The following NAA11 variants were observed in gnomAD, a reference collection of about 807,000 sequenced individuals.
NAA11 encodes N-alpha-acetyltransferase 11.
A neutral mutation model predicts 16.1 loss-of-function variants in NAA11; 15 were observed. The observed-to-expected ratio is 0.93, with a 90% CI of 0.62 to 1.44. NAA11 has a LOEUF of 1.44. Among genes scored for constraint, NAA11 ranks in the 40% most tolerant of loss-of-function variants. NAA11 has a pLI of 0.00. For missense variants in NAA11, 298 were observed against 291.3 expected, an observed-to-expected ratio of 1.02 and a Z score of -0.17; for synonymous variants, 122 against 112.4, an observed-to-expected ratio of 1.09 and a Z score of -0.54.
At chr4:79,302,520 C>T (rs1191036226) in intron 1 of NAA11, among the ~76,000 whole-genome samples, 1 of 152,114 alleles carries the variant, frequency 6.6e-6, no homozygotes, top group Non-Finnish European at 1.5e-5. Flanking sequence ...TCCTTCATAA[C>T]AAAGTCTCAT....
intron 1 of NAA11, among the ~76,000 whole-genome samples, chr4:79,319,830 T>C (rs1724039291): frequency 6.6e-6 from 1 of 152,232 alleles, no homozygotes; most frequent in African/African-American, 2.4e-5. Flanking sequence ...TGTCAGTCTG[T>C]AGGTTTCTTC....
At chr4:79,227,502 GA>G (rs1161713321) in intron 2 of NAA11, 2 of 151,958 alleles carry the variant, frequency 1.3e-5, no homozygotes, top group African/African-American at 4.8e-5. Flanking sequence ...AGGAGACTAA[GA>G]GGAGTCATTC....
intron 1 of NAA11, among the ~76,000 whole-genome samples, chr4:79,323,826 A>C (rs1170067193): frequency 6.6e-6 from 1 of 151,178 alleles, no homozygotes; most frequent in Non-Finnish European, 1.5e-5. Flanking sequence ...ATCTCAAAAA[A>C]AGAAAAAAAG....
intron 1 of NAA11, chr4:79,299,093 A>G (rs1482064857): frequency 1.3e-5 from 2 of 152,256 alleles, no homozygotes; most frequent in African/African-American, 4.8e-5. Context: ...ATATACTGTC[A>G]GACTGTCACC....
Position 79,242,084 on chromosome 4 carries a change from C to G in NAA11, c.*123-15814G>C, listed in dbSNP as rs556430636. Among the ~76,000 whole-genome samples the G allele has an allele frequency of 9.9e-5, 15 of 152,280 alleles. 1 individual carries two copies. The South Asian group carries it at 3.1e-3, about 32-fold the overall frequency. ...CTCATGCTTGTTTGCCAGTGACACA[C>G]GTGAGAGGCATCTAGTAGTACTCAT... On this transcript the variant is annotated intron_variant and NMD_transcript_variant, in intron 2 of 2. Coordinates refer to the NAA11 transcript ENST00000511542.
chr4:79,256,297 A>T (rs545769959), intron 2 of NAA11, among the ~76,000 whole-genome samples: 3 of 152,122 alleles, frequency 2.0e-5, no homozygotes, highest in South Asian at 4.1e-4. Flanking sequence ...AACTACAGTA[A>T]TTTCTCCTGT....
chr4:79,217,098 T>C, the NAA11 span, among the ~76,000 whole-genome samples: 1 of 152,204 alleles, frequency 6.6e-6, no homozygotes, highest in Admixed American at 6.5e-5. Context: ...AACCTCTTCA[T>C]TGGGTTTGCT....
the NAA11 span, among the ~76,000 whole-genome samples, chr4:79,174,273 T>C: frequency 6.6e-6 from 1 of 152,188 alleles, no homozygotes; most frequent in Non-Finnish European, 1.5e-5. Context: ...ATTAGACATT[T>C]TGAAACTATA....
chr4:79,193,015 A>T, the NAA11 span, among the ~76,000 whole-genome samples: 1 of 152,128 alleles, frequency 6.6e-6, no homozygotes, highest in East Asian at 1.9e-4. Context: ...TTTTGGCTGC[A>T]TAAATGTCTT....
intron 1 of NAA11, among the ~76,000 whole-genome samples, chr4:79,295,265 C>T (rs1723182953): frequency 6.6e-6 from 1 of 152,174 alleles, no homozygotes; most frequent in African/African-American, 2.4e-5. Flanking sequence ...CTTTGCCTTT[C>T]AAGCACTGAC....
chr4:79,207,995 G>T, the NAA11 span, among the ~76,000 whole-genome samples: 2 of 152,042 alleles, frequency 1.3e-5, no homozygotes, highest in Non-Finnish European at 2.9e-5. Context: ...ATTGTACAAA[G>T]ATCAAATTAT....
intron 1 of NAA11, among the ~76,000 whole-genome samples, chr4:79,300,203 G>A (rs985197934): frequency 3.9e-5 from 6 of 152,152 alleles, no homozygotes; most frequent in Non-Finnish European, 4.4e-5. Context: ...AAGGTGTTAG[G>A]CAAAATGCAT....
chr4:79,256,652 A>AATATATATATATATT (rs1491290215), intron 2 of NAA11, among the ~76,000 whole-genome samples: 2 of 27,420 alleles, frequency 7.3e-5, no homozygotes, highest in African/African-American at 8.6e-5. Context: ...ATAAATATAA[A>AATATATATATATATT]TATATATATA....
chr4:79,323,666 A>T (rs1724169756), intron 1 of NAA11, among the ~76,000 whole-genome samples: 1 of 151,994 alleles, frequency 6.6e-6, no homozygotes, highest in Admixed American at 6.6e-5. Flanking sequence ...TAAAAATACA[A>T]AAAAATTAGC....
chr4:79,295,963 G>C (rs1239867248), intron 1 of NAA11, among the ~76,000 whole-genome samples: 2 of 152,064 alleles, frequency 1.3e-5, no homozygotes, highest in Admixed American at 1.3e-4. Flanking sequence ...CTGTCTAGTT[G>C]TTTATATTCA....
the NAA11 span, among the ~76,000 whole-genome samples, chr4:79,159,137 G>A: frequency 5.9e-5 from 9 of 152,148 alleles, no homozygotes; most frequent in Non-Finnish European, 8.8e-5. Flanking sequence ...AACAGTCAGC[G>A]GAGTAAACAG....
At chr4:79,305,491 G>A (rs1723550156) in intron 1 of NAA11, among the ~76,000 whole-genome samples, 1 of 152,128 alleles carries the variant, frequency 6.6e-6, no homozygotes, top group Non-Finnish European at 1.5e-5. Flanking sequence ...AGAAAAGCCG[G>A]TATGGCTCAA....
At chr4:79,191,623 C>A in the NAA11 span, among the ~76,000 whole-genome samples, 1 of 151,986 alleles carries the variant, frequency 6.6e-6, no homozygotes, top group Non-Finnish European at 1.5e-5. Flanking sequence ...TTCTCCCATT[C>A]TGTAGGTTGT....
chr4:79,172,610 A>C, the NAA11 span, among the ~76,000 whole-genome samples: 1 of 152,060 alleles, frequency 6.6e-6, no homozygotes, highest in Non-Finnish European at 1.5e-5. Context: ...CCTCTCCTTC[A>C]TGTACACAAG....
Sources: allele counts gnomAD v4.1 joint callset (sites outside exome capture counted in the v4.1 genomes callset), GRCh38; gene constraint gnomAD v4.1.1; transcripts MANE v1.5; gene names NCBI Gene and HGNC (gene_info 2026-07-23, HGNC 2026-07-21).